Variants in NEDD9 observed in about 807,000 individuals in gnomAD.
NEDD9 encodes enhancer of filamentation 1.
In NEDD9, 26 loss-of-function variants were observed where a neutral mutation model predicts 76.6. The observed-to-expected ratio is 0.34, with a 90% CI of 0.25 to 0.47. The LOEUF is 0.47. Ranked by LOEUF, NEDD9 falls within the 20% of genes least tolerant of loss-of-function variation. The pLI, the probability that NEDD9 is intolerant of heterozygous loss-of-function variation, is 1.00. For synonymous variants in NEDD9, 392 were observed against 414.2 expected (o/e 0.95, Z 0.65); for missense variants, 937 against 1,058.5 (o/e 0.89, Z 1.59).
At chr6:11,251,324 G>A (rs1209348734) in intron 3 of NEDD9, 1 of 152,134 alleles carries the variant, frequency 6.6e-6, no homozygotes, top group East Asian at 1.9e-4. Flanking sequence ...AGATACCTAT[G>A]GTGGAGACAT....
chr6:11,193,663 G>A lies in NEDD9; in HGVS notation c.489C>T (p.Gly163=), dbSNP rs2113724233. ...ATCTGGATGGGTACTCGTATACGTA[G>A]CCATGGCCTGTCCTCACGGGGGTTA... ...KVITPVRTGH[G]YVYEYPSRYQ... is the part of the protein sequence containing the mutation. Residue 163 remains glycine, a synonymous_variant, in exon 3 of 7, where the codon GGC becomes GGT. Coordinates refer to ENST00000379446, the MANE Select transcript of NEDD9 (RefSeq NM_006403.4). 4 of 1,613,954 alleles carry A rather than the reference G, an allele frequency of 2.5e-6. No homozygotes were observed. In the East Asian group the frequency reaches 6.7e-5, roughly 27 times the overall value.
chr6:11,299,781 GA>G (rs2113398908), intron 3 of NEDD9, among the ~76,000 whole-genome samples: 1 of 152,320 alleles, frequency 6.6e-6, no homozygotes, highest in South Asian at 2.1e-4. Flanking sequence ...CTGTAAGAAG[GA>G]AAACTAACAA....
intron 2 of NEDD9, chr6:11,200,973 G>A (rs928367052): frequency 7.4e-6 from 12 of 1,614,134 alleles, no homozygotes; most frequent in Admixed American, 1.7e-5. Context: ...GATCTTTTCA[G>A]TGGAGGTTCA....
intron 3 of NEDD9, among the ~76,000 whole-genome samples, chr6:11,260,388 G>C (rs1159247191): frequency 6.6e-6 from 1 of 152,230 alleles, no homozygotes; most frequent in Non-Finnish European, 1.5e-5. Flanking sequence ...TCCAGAGTCT[G>C]TCACATTAGG....
chr6:11,325,042 G>A (rs897921722), intron 2 of NEDD9, among the ~76,000 whole-genome samples: 1 of 152,140 alleles, frequency 6.6e-6, no homozygotes, highest in Admixed American at 6.5e-5. Context: ...TAAGCCAAAG[G>A]TAGAGAGCAT....
intron 2 of NEDD9, among the ~76,000 whole-genome samples, chr6:11,321,016 A>G (rs866455454): frequency 2.9e-4 from 44 of 152,072 alleles, no homozygotes; most frequent in South Asian, 6.2e-4. Context: ...GGTTAAAAAA[A>G]AAACCTGTTG....
At chr6:11,218,106 T>C (rs1759009243) in intron 1 of NEDD9, among the ~76,000 whole-genome samples, 1 of 152,238 alleles carries the variant, frequency 6.6e-6, no homozygotes, top group Non-Finnish European at 1.5e-5. Flanking sequence ...CCTAAAGCCA[T>C]AGTCTTCGCT....
intron 2 of NEDD9, among the ~76,000 whole-genome samples, 155 bp from the exon 3 acceptor site, chr6:11,193,847 C>T (rs540084549): frequency 6.6e-6 from 1 of 152,100 alleles, no homozygotes; most frequent in African/African-American, 2.4e-5. Flanking sequence ...CAAGTAGACA[C>T]CACGTTAGTA....
chr6:11,248,975 C>A, intron 3 of NEDD9: 1 of 388,152 alleles, frequency 2.6e-6, no homozygotes, highest in Non-Finnish European at 5.2e-6. Context: ...TCTCTCTCCC[C>A]AGAGTCCACA....
At chr6:11,228,159 C>T (rs1371306480) in intron 1 of NEDD9, among the ~76,000 whole-genome samples, 2 of 151,690 alleles carry the variant, frequency 1.3e-5, no homozygotes, top group African/African-American at 2.4e-5. Flanking sequence ...ATTAAAGAAG[C>T]GTAAGGAAAG....
At chr6:11,225,400 T>C (rs1161308444) in intron 1 of NEDD9, among the ~76,000 whole-genome samples, 2 of 152,240 alleles carry the variant, frequency 1.3e-5, no homozygotes, top group Non-Finnish European at 2.9e-5. Context: ...ATAAGGATCA[T>C]GAACTACCTA....
intron 1 of NEDD9, among the ~76,000 whole-genome samples, chr6:11,346,480 C>T (rs564492773): frequency 4.0e-5 from 6 of 150,912 alleles, no homozygotes; most frequent in African/African-American, 1.2e-4. Context: ...CTCGGAGGCC[C>T]CCCCCCCCGA....
At chr6:11,247,330 C>T (rs1759830574) in intron 3 of NEDD9, among the ~76,000 whole-genome samples, 1 of 152,138 alleles carries the variant, frequency 6.6e-6, no homozygotes, top group African/African-American at 2.4e-5. Flanking sequence ...AGTCCTGGTG[C>T]CATTGTCTGC....
At chr6:11,276,784 G>C (rs1259946278) in intron 3 of NEDD9, among the ~76,000 whole-genome samples, 1 of 152,112 alleles carries the variant, frequency 6.6e-6, no homozygotes, top group Non-Finnish European at 1.5e-5. Flanking sequence ...AGGCTTCCAA[G>C]GGAAAACAGA....
chr6:11,218,345 C>CTTTTTT (rs35407775), intron 1 of NEDD9, among the ~76,000 whole-genome samples: 1 of 141,066 alleles, frequency 7.1e-6, no homozygotes, highest in Non-Finnish European at 1.5e-5. Flanking sequence ...TCTTCAGCAA[C>CTTTTTT]TTTTTTTTTT....
rs141552924 is a variant in NEDD9 at position 11,332,476 on chromosome 6, G to A, written c.-153+2025C>T. Among the ~76,000 whole-genome samples, 334 of 152,198 alleles carry A rather than the reference G, an allele frequency of 2.2e-3. 3 individuals are homozygous for A. The highest frequency in any genetic ancestry group is 7.3e-3 in the African/African-American group (303 of 41,502). ...CATCTCTCGCCTCACATTGCGCTAC[G>A]TCCGCTTCTCCAAATGCTCCAAGTT... On this transcript the variant is annotated intron_variant, in intron 2 of 3. Coordinates refer to the NEDD9 transcript ENST00000397378.
intron 3 of NEDD9, among the ~76,000 whole-genome samples, chr6:11,299,394 C>A (rs996727318): frequency 1.3e-5 from 2 of 152,256 alleles, no homozygotes; most frequent in African/African-American, 4.8e-5. Context: ...GTAAGGCCTA[C>A]TACTTCTACA....
At chr6:11,281,465 C>T (rs892550817) in intron 3 of NEDD9, among the ~76,000 whole-genome samples, 3 of 152,240 alleles carry the variant, frequency 2.0e-5, no homozygotes, top group Admixed American at 2.0e-4. Flanking sequence ...CACCTCTGGA[C>T]ATTGGTGTGA....
At chr6:11,199,800 A>T (rs908401421) in intron 2 of NEDD9, 2 of 152,446 alleles carry the variant, frequency 1.3e-5, no homozygotes, top group Non-Finnish European at 1.5e-5. Context: ...AGCTGGGACT[A>T]CAGGCACCCG....
Sources: allele counts gnomAD v4.1 joint callset (sites outside exome capture counted in the v4.1 genomes callset), GRCh38; gene constraint gnomAD v4.1.1; transcripts MANE v1.5; gene names NCBI Gene and HGNC (gene_info 2026-07-23, HGNC 2026-07-21).